MCTP2: variants seen among roughly 807,000 people sequenced by gnomAD.
The protein encoded by MCTP2 is multiple C2 and transmembrane domain-containing protein 2.
MCTP2 carries 132 observed loss-of-function variants against 111.6 expected under a neutral mutation model. The observed-to-expected ratio is 1.18, with a 90% confidence interval of 1.03 to 1.37. MCTP2 has a LOEUF of 1.37. Among genes scored for constraint, MCTP2 ranks in the 40% most tolerant of loss-of-function variants. The pLI, the probability that MCTP2 is intolerant of heterozygous loss-of-function variation, is 0.00. For missense variants in MCTP2, 1,183 were observed against 1,067.9 expected (o/e 1.11, Z -1.50); for synonymous variants, 395 against 387.7 (o/e 1.02, Z -0.22).
At chr15:94,308,009 A>G (rs1165127347) in intron 2 of MCTP2, among the ~76,000 whole-genome samples, 2 of 152,206 alleles carry the variant, frequency 1.3e-5, no homozygotes, top group Non-Finnish European at 2.9e-5. Context: ...ATCTAATGCT[A>G]CTTACTGAGG....
Position 94,298,603 on chromosome 15 carries a change from T to C in MCTP2, c.338T>C (p.Leu113Pro). ...LDWSQEEASH[L>P]HVVETDSEEA... ...TGGAGCCAGGAAGAAGCCAGTCACC[T>C]CCATGTGGTGGAAACAGACTCAGAG... is the stretch of plus-strand genomic sequence containing the variant. The change falls in exon 2 of 23, where the codon CTC (leucine) becomes CCC (proline). Residue 113 changes from leucine (L) to proline (P), a missense_variant. Physicochemically the swap from Leu to Pro is moderately conservative, Grantham distance 98. Transcript: ENST00000357742. 1 of 1,614,052 alleles carries C rather than the reference T, an allele frequency of 6.2e-7. No individual in the cohort carries two copies. The highest frequency in any genetic ancestry group is 8.5e-7 in the Non-Finnish European group (1 of 1,179,972).
chr15:94,237,690 C>T (rs2070668821), intron 1 of MCTP2, among the ~76,000 whole-genome samples: 1 of 152,190 alleles, frequency 6.6e-6, no homozygotes, highest in South Asian at 2.1e-4. Context: ...ACATGTGCAT[C>T]TGTAAAGAAT....
At chr15:94,449,524 AT>A (rs1346243134) in intron 19 of MCTP2, among the ~76,000 whole-genome samples, 1 of 152,190 alleles carries the variant, frequency 6.6e-6, no homozygotes, top group Non-Finnish European at 1.5e-5. Flanking sequence ...GCCAATGTTT[AT>A]TGATGTCTTT....
At chr15:94,334,586 A>ATAAC (rs2077269182) in intron 4 of MCTP2, among the ~76,000 whole-genome samples, 1 of 152,252 alleles carries the variant, frequency 6.6e-6, no homozygotes, top group Non-Finnish European at 1.5e-5. Context: ...GCCAGGTTAT[A>ATAAC]GTGCAGTGGC....
chr15:94,471,758 T>C (rs11852630), intron 21 of MCTP2, among the ~76,000 whole-genome samples: 2,737 of 93,584 alleles, frequency 0.029, 86 homozygotes, highest in African/African-American at 0.095. Flanking sequence ...AGGCATATTT[T>C]GAAAAAAAAA....
intron 1 of MCTP2, among the ~76,000 whole-genome samples, chr15:94,249,169 C>G (rs556968751): frequency 6.6e-6 from 1 of 152,222 alleles, no homozygotes; most frequent in African/African-American, 2.4e-5. Flanking sequence ...CCGTAATATG[C>G]CTGTACCATG....
chr15:94,384,297 G>C (rs2080328419), intron 13 of MCTP2, among the ~76,000 whole-genome samples, 173 bp downstream of exon 13: 2 of 152,034 alleles, frequency 1.3e-5, no homozygotes, highest in Non-Finnish European at 2.9e-5. Context: ...TAATAGAAGA[G>C]ACCATTTGGA....
chr15:94,358,331 C>G, intron 9 of MCTP2, 151 bp from the exon 10 acceptor site: 1 of 639,594 alleles, frequency 1.6e-6, no homozygotes, highest in Non-Finnish European at 2.6e-6. Context: ...CCCACCAAGT[C>G]CCTTTCATTC....
chr15:94,364,786 A>C (rs1271686769), intron 10 of MCTP2, among the ~76,000 whole-genome samples: 2 of 152,202 alleles, frequency 1.3e-5, no homozygotes, highest in Non-Finnish European at 2.9e-5. Flanking sequence ...GGGTTAATGA[A>C]AATAATTCTC....
At chr15:94,324,384 G>A (rs890951032) in intron 4 of MCTP2, among the ~76,000 whole-genome samples, 1 of 152,182 alleles carries the variant, frequency 6.6e-6, no homozygotes, top group Non-Finnish European at 1.5e-5. Flanking sequence ...GTGGGCTGAG[G>A]GAATACTGTG....
intron 17 of MCTP2, among the ~76,000 whole-genome samples, chr15:94,427,185 G>A (rs2082936215): frequency 6.6e-6 from 1 of 152,082 alleles, no homozygotes; most frequent in African/African-American, 2.4e-5. Flanking sequence ...CAGTTACCAT[G>A]CATGCACTCC....
chr15:94,459,823 C>CA (rs1295267776), intron 20 of MCTP2, among the ~76,000 whole-genome samples: 8 of 152,116 alleles, frequency 5.3e-5, no homozygotes, highest in African/African-American at 1.7e-4. Context: ...ATAGCAACAC[C>CA]AACTGTTATC....
At chr15:94,407,775 G>GCA (rs57851445) in intron 17 of MCTP2, among the ~76,000 whole-genome samples, 2,172 of 147,748 alleles carry the variant, frequency 0.015, 37 homozygotes, top group South Asian at 0.07. Flanking sequence ...ATGTACTTGT[G>GCA]CACACACACA....
chr15:94,327,338 G>A (rs939395680), intron 4 of MCTP2, among the ~76,000 whole-genome samples: 3 of 152,044 alleles, frequency 2.0e-5, no homozygotes, highest in Admixed American at 6.5e-5. Flanking sequence ...ATTTCTTTTC[G>A]TAATGATGTG....
intron 1 of MCTP2, among the ~76,000 whole-genome samples, chr15:94,288,849 G>A (rs938287502): frequency 1.3e-5 from 2 of 152,136 alleles, no homozygotes; most frequent in African/African-American, 4.8e-5. Context: ...AAATACAATA[G>A]CTGCCTGCCC....
At chr15:94,407,961 T>A (rs77258955) in intron 17 of MCTP2, among the ~76,000 whole-genome samples, 4,640 of 152,288 alleles carry the variant, frequency 0.03, 260 homozygotes, top group African/African-American at 0.11. Context: ...CGAAAAACAT[T>A]CAGATTCATT....
At chr15:94,408,802 G>C (rs572330256) in intron 17 of MCTP2, among the ~76,000 whole-genome samples, 1 of 152,138 alleles carries the variant, frequency 6.6e-6, no homozygotes, top group South Asian at 2.1e-4. Context: ...ATTTTGACTA[G>C]TAAACATTAG....
chr15:94,383,175 T>C (rs891643044), intron 12 of MCTP2, among the ~76,000 whole-genome samples: 10 of 152,194 alleles, frequency 6.6e-5, no homozygotes, highest in Non-Finnish European at 1.2e-4. Context: ...ATCATGAGTG[T>C]TTGTGACCAT....
intron 2 of MCTP2, among the ~76,000 whole-genome samples, chr15:94,307,432 G>C (rs1034443273): frequency 6.6e-6 from 1 of 152,148 alleles, no homozygotes. Flanking sequence ...AAGGCCCCAG[G>C]GTAGCAGGAG....
Sources: gnomAD v4.1 joint callset for allele counts (sites outside exome capture counted in the v4.1 genomes callset) on GRCh38, gnomAD v4.1.1 for gene constraint, MANE v1.5 for transcripts, NCBI Gene and HGNC (gene_info 2026-07-23, HGNC 2026-07-21) for gene names.